TRAPPC9: variants seen among roughly 807,000 people sequenced by gnomAD.
TRAPPC9 encodes the protein IKK2 binding protein.
TRAPPC9 carries 83 observed loss-of-function variants against 124.0 expected under a neutral mutation model. The observed-to-expected ratio is 0.67, with a 90% CI of 0.56 to 0.80. The LOEUF is 0.80. Ranked by LOEUF, TRAPPC9 falls within the 30% of genes least tolerant of loss-of-function variation. TRAPPC9 has a pLI of 0.00. For missense variants in TRAPPC9, 1,302 were observed against 1,508.3 expected (o/e 0.86, Z 2.27); for synonymous variants, 638 against 617.5 (o/e 1.03, Z -0.49).
intron 15 of TRAPPC9, among the ~76,000 whole-genome samples, chr8:140,268,983 C>T (rs1279593574): frequency 6.6e-6 from 1 of 151,988 alleles, no homozygotes; most frequent in African/African-American, 2.4e-5. Context: ...TGGCTTGCCC[C>T]GGGGCTGGGG....
chr8:140,300,334 C>G (rs1449071384), intron 11 of TRAPPC9, 135 bp downstream of exon 11: 3 of 1,094,124 alleles, frequency 2.7e-6, no homozygotes, highest in Non-Finnish European at 4.1e-6. Flanking sequence ...CACACATATG[C>G]ATGCGTGCAC....
At chr8:139,878,576 A>G (rs1587074089) in intron 21 of TRAPPC9, among the ~76,000 whole-genome samples, 1 of 152,122 alleles carries the variant, frequency 6.6e-6, no homozygotes, top group African/African-American at 2.4e-5. Context: ...TACATGGGAG[A>G]ACCTCAGGCT....
chr8:139,801,175 G>A (rs1823498891), intron 21 of TRAPPC9, among the ~76,000 whole-genome samples: 1 of 152,224 alleles, frequency 6.6e-6, no homozygotes, highest in Non-Finnish European at 1.5e-5. Context: ...TCTCCACAGG[G>A]ACAAGTGTGA....
rs565788544 is a variant in TRAPPC9, at chr8:140,025,450, C to A, written c.2557-1371G>T. On this transcript the variant is annotated intron_variant, in intron 17 of 22. Transcript: ENST00000438773. ...GGCAAAGCTTAAAATACTATGTGGACCTTTACATCAAAGATTTGCAGATAA... is the reference window on the plus strand; with the variant it reads ...GGCAAAGCTTAAAATACTATGTGGAACTTTACATCAAAGATTTGCAGATAA... Among the ~76,000 whole-genome samples the A allele has an allele frequency of 1.2e-4, 18 of 151,954 alleles. No individual in the cohort carries two copies. The South Asian group carries it at 3.5e-3, about 30-fold the overall frequency.
At chr8:140,457,885 A>AAG, upstream of TRAPPC9, 1 of 880,296 alleles carries the variant, frequency 1.1e-6, no homozygotes, top group South Asian at 2.2e-5. Context: ...CGAGGGAGAG[A>AAG]AGAGGGGACA....
At chr8:140,038,296 C>A (rs1034729562) in intron 17 of TRAPPC9, among the ~76,000 whole-genome samples, 3 of 152,222 alleles carry the variant, frequency 2.0e-5, no homozygotes, top group Admixed American at 2.0e-4. Context: ...TCTGCTCACC[C>A]GTGCTCCACG....
At chr8:139,752,222 T>TCCAATATCTACCCATCCATCCATCCAC (rs1250910521) in intron 21 of TRAPPC9, among the ~76,000 whole-genome samples, 12 of 147,342 alleles carry the variant, frequency 8.1e-5, no homozygotes, top group African/African-American at 3.0e-4. Context: ...CATCCATCCA[T>TCCAATATCTACCCATCCATCCATCCAC]CCAACATCTA....
At chr8:140,061,311 T>C (rs62527056) in intron 17 of TRAPPC9, among the ~76,000 whole-genome samples, 68,129 of 152,146 alleles carry the variant, frequency 0.45, 16,866 homozygotes, top group Middle Eastern at 0.57. Flanking sequence ...GCCTGTTGTG[T>C]CCTCTCTTGC....
chr8:140,130,427 C>T (rs2061186284), intron 17 of TRAPPC9, among the ~76,000 whole-genome samples: 1 of 152,148 alleles, frequency 6.6e-6, no homozygotes, highest in African/African-American at 2.4e-5. Context: ...CTGTAGTATT[C>T]CTGTCCAAAT....
intron 21 of TRAPPC9, among the ~76,000 whole-genome samples, chr8:139,820,869 A>G (rs1825208053): frequency 6.6e-6 from 1 of 152,250 alleles, no homozygotes; most frequent in Non-Finnish European, 1.5e-5. Flanking sequence ...CTTATTGTAT[A>G]TGCACAAATG....
chr8:140,137,903 C>A (rs1246200338), intron 17 of TRAPPC9, among the ~76,000 whole-genome samples: 1 of 152,190 alleles, frequency 6.6e-6, no homozygotes, highest in Non-Finnish European at 1.5e-5. Context: ...ATGTTTGATT[C>A]TGAAATTTGT....
At chr8:140,269,188 G>A (rs1350342199) in intron 15 of TRAPPC9, among the ~76,000 whole-genome samples, 1 of 152,112 alleles carries the variant, frequency 6.6e-6, no homozygotes, top group Non-Finnish European at 1.5e-5. Context: ...ATGTGCTACA[G>A]CATTTAGGGG....
At chr8:139,750,099 G>T (rs1819213909) in intron 21 of TRAPPC9, among the ~76,000 whole-genome samples, 1 of 152,112 alleles carries the variant, frequency 6.6e-6, no homozygotes, top group Admixed American at 6.5e-5. Flanking sequence ...ATACAGGAGG[G>T]TCCACAGGAG....
intron 21 of TRAPPC9, among the ~76,000 whole-genome samples, chr8:139,784,707 A>G (rs897872511): frequency 2.0e-5 from 3 of 149,954 alleles, no homozygotes; most frequent in Non-Finnish European, 4.4e-5. Context: ...AAAAAATACT[A>G]TTTACAATAG....
chr8:140,224,642 T>C (rs2063405786), intron 16 of TRAPPC9, among the ~76,000 whole-genome samples: 2 of 152,230 alleles, frequency 1.3e-5, no homozygotes, highest in African/African-American at 4.8e-5. Context: ...AGGCCATTTT[T>C]CTACCAGAAT....
At position 140,374,016 on chromosome 8, in the gene TRAPPC9, G is replaced by A. The variant is rs149703732; in HGVS notation, c.1135-2836C>T. Among the ~76,000 whole-genome samples the A allele has an allele frequency of 1.3e-3, 198 of 152,352 alleles. 1 individual carries two copies. Among genetic ancestry groups the A allele is most frequent in the African/African-American group, 4.6e-3 (190 of 41,574 alleles). On this transcript the variant is annotated intron_variant, in intron 7 of 22. Coordinates refer to ENST00000438773, the MANE Select transcript of TRAPPC9 (RefSeq NM_001160372.4). ...TTCATAAGCAAAAGCATTTCTCTGTGATGTAGCTCAATCTATCAGCTTTTT... is the reference window on the plus strand; with the variant it reads ...TTCATAAGCAAAAGCATTTCTCTGTAATGTAGCTCAATCTATCAGCTTTTT...
chr8:139,978,617 G>A (rs117222684), intron 19 of TRAPPC9, among the ~76,000 whole-genome samples: 150 of 152,318 alleles, frequency 9.8e-4, no homozygotes, highest in Non-Finnish European at 1.9e-3. Flanking sequence ...CGACAAGCAC[G>A]TGGGGTCATT....
intron 21 of TRAPPC9, among the ~76,000 whole-genome samples, chr8:139,804,064 ACCG>A (rs1180398112): frequency 6.7e-6 from 1 of 150,248 alleles, no homozygotes; most frequent in African/African-American, 2.5e-5. Context: ...TCCATCAAGC[ACCG>A]CCGCCACCAC....
chr8:140,145,021 C>T (rs141834704), intron 17 of TRAPPC9, among the ~76,000 whole-genome samples: 2,925 of 151,740 alleles, frequency 0.019, 32 homozygotes, highest in South Asian at 0.031. Flanking sequence ...AGATTACAGG[C>T]GTGTGCCGTC....
Sources: gnomAD v4.1 joint callset for allele counts (sites outside exome capture counted in the v4.1 genomes callset) on GRCh38, gnomAD v4.1.1 for gene constraint, MANE v1.5 for transcripts, NCBI Gene and HGNC (gene_info 2026-07-23, HGNC 2026-07-21) for gene names.